The following SLC2A13 variants were observed in gnomAD, a reference collection of about 807,000 sequenced individuals.
The protein encoded by SLC2A13 is solute carrier family 2 member 13, also known as proton myo-inositol cotransporter.
In SLC2A13, 32 loss-of-function variants were observed where a neutral mutation model predicts 64.4. The ratio of observed to expected loss-of-function variants is 0.50; its 90% CI spans 0.37 to 0.67. The LOEUF is 0.67. Among genes scored for constraint, SLC2A13 ranks in the 30% least tolerant of loss-of-function variants. The pLI is 0.00. For synonymous variants in SLC2A13, 338 were observed against 327.1 expected (o/e 1.03, Z -0.36); for missense variants, 743 against 829.2 (o/e 0.90, Z 1.28).
At chr12:39,970,831 T>C (rs1946634521) in intron 3 of SLC2A13, among the ~76,000 whole-genome samples, 2 of 152,206 alleles carry the variant, frequency 1.3e-5, no homozygotes, top group Non-Finnish European at 2.9e-5. Context: ...GGGTATGCCC[T>C]ATAGGAAAAC....
chr12:39,965,134 G>A (rs919540361), intron 3 of SLC2A13, among the ~76,000 whole-genome samples: 2 of 152,134 alleles, frequency 1.3e-5, no homozygotes, highest in African/African-American at 4.8e-5. Context: ...ACAGTTCTAT[G>A]TATTCCTGAA....
rs910307555 is a variant in SLC2A13, at chr12:40,035,650, C to G, written c.717-7141G>C. Among the ~76,000 whole-genome samples, 3 of 152,286 alleles carry G rather than the reference C, an allele frequency of 2.0e-5. No homozygotes were observed. The South Asian group carries it at 6.2e-4, about 32-fold the overall frequency. ...AGGTAATATATGATCCGCAAATGAT[C>G]AACACCTGTGTTACCTCGAGAAAGA... On this transcript the variant is annotated intron_variant, in intron 2 of 9. Transcript: ENST00000280871.
intron 1 of SLC2A13, among the ~76,000 whole-genome samples, chr12:40,081,983 T>C (rs1938419186): frequency 6.6e-6 from 1 of 152,226 alleles, no homozygotes. Context: ...CTGTGTGCTC[T>C]AACCCTGGGG....
intron 4 of SLC2A13, among the ~76,000 whole-genome samples, chr12:39,885,200 G>A (rs550583538): frequency 6.6e-6 from 1 of 152,288 alleles, no homozygotes; most frequent in Admixed American, 6.5e-5. Flanking sequence ...ACAGGAGCTA[G>A]GAAGGCCAAC....
At chr12:39,872,444 A>T (rs993999388) in intron 4 of SLC2A13, among the ~76,000 whole-genome samples, 1 of 152,018 alleles carries the variant, frequency 6.6e-6, no homozygotes, top group African/African-American at 2.4e-5. Flanking sequence ...AAAAAGACAC[A>T]ATGAGTAAGA....
intron 3 of SLC2A13, among the ~76,000 whole-genome samples, chr12:40,000,370 AC>A (rs529661037): frequency 4.6e-4 from 70 of 152,286 alleles, no homozygotes; most frequent in Non-Finnish European, 9.6e-4. Flanking sequence ...GTGAACCTCT[AC>A]CCTCTACTAA....
intron 3 of SLC2A13, among the ~76,000 whole-genome samples, chr12:39,987,255 T>C (rs1276185143): frequency 1.3e-5 from 2 of 152,196 alleles, no homozygotes; most frequent in Non-Finnish European, 1.5e-5. Context: ...CAGACAAATA[T>C]GTCAACAAAC....
At position 39,815,110 on chromosome 12, in the gene SLC2A13, T is replaced by TG. The variant is rs1320906333; in HGVS notation, c.1445+14992dup. ...AAATAAATGACCCAAGGCCATCTTC[T>TG]GGTCAGTTACTGAGTCCAGACACAA... is the stretch of plus-strand genomic sequence containing the variant. On this transcript the variant is annotated intron_variant, in intron 7 of 9. Coordinates refer to ENST00000280871, the MANE Select transcript of SLC2A13 (RefSeq NM_052885.4). 3.3e-5 allele frequency among the ~76,000 whole-genome samples: 5 copies of TG among 152,300 alleles called. No individual in the cohort carries two copies. In the East Asian group the frequency reaches 7.7e-4, roughly 24 times the overall value.
intron 4 of SLC2A13, among the ~76,000 whole-genome samples, chr12:39,873,675 C>CA (rs1218043274): frequency 1.3e-5 from 2 of 152,072 alleles, no homozygotes; most frequent in Non-Finnish European, 2.9e-5. Flanking sequence ...TTGATGCTTT[C>CA]ATTTTCAATA....
At chr12:39,862,208 T>C (rs1035175480) in intron 6 of SLC2A13, among the ~76,000 whole-genome samples, 1 of 152,224 alleles carries the variant, frequency 6.6e-6, no homozygotes, top group Non-Finnish European at 1.5e-5. Flanking sequence ...GATGTCCTCA[T>C]TGAAAATTAT....
At chr12:39,882,995 T>C (rs1944381391) in intron 4 of SLC2A13, among the ~76,000 whole-genome samples, 1 of 152,180 alleles carries the variant, frequency 6.6e-6, no homozygotes, top group Non-Finnish European at 1.5e-5. Context: ...TTTAGGCGCT[T>C]AGTGTTTATT....
intron 7 of SLC2A13, among the ~76,000 whole-genome samples, chr12:39,812,624 G>T (rs945789217): frequency 6.7e-6 from 1 of 150,288 alleles, no homozygotes; most frequent in Non-Finnish European, 1.5e-5. Flanking sequence ...AGGCGCCCAC[G>T]GCTACGCCCG....
In SLC2A13 at chr12:39,978,364, G is replaced by A. The variant is rs530241719; in HGVS notation, c.926-26999C>T. ...ACAGCTCCAGTCTACAGCTCCCAGC[G>A]TAAGCGATGCAGAAGACGGGTGATT... On this transcript the variant is annotated intron_variant, in intron 3 of 9. Transcript: ENST00000280871. Among the ~76,000 whole-genome samples, 29 of 152,310 alleles carry A rather than the reference G, an allele frequency of 1.9e-4. 1 individual carries two copies. The East Asian group carries it at 1.9e-3, about 10-fold the overall frequency.
At chr12:39,978,529 G>GAGTT (rs1399164973) in intron 3 of SLC2A13, among the ~76,000 whole-genome samples, 1 of 152,220 alleles carries the variant, frequency 6.6e-6, no homozygotes, top group Non-Finnish European at 1.5e-5. Flanking sequence ...AGGGGTCAGG[G>GAGTT]AGTTCCCTTT....
At chr12:39,859,332 T>TTTTTAA (rs1566873946) in intron 6 of SLC2A13, among the ~76,000 whole-genome samples, 1 of 72,330 alleles carries the variant, frequency 1.4e-5, no homozygotes. Flanking sequence ...TTTTTTTTTC[T>TTTTTAA]GAAAAAAAAA....
At chr12:39,781,377 G>A (rs1395004706) in intron 7 of SLC2A13, among the ~76,000 whole-genome samples, 6 of 53,752 alleles carry the variant, frequency 1.1e-4, no homozygotes, top group African/African-American at 5.1e-4. Flanking sequence ...AGGGAGCCCC[G>A]CACAGTCTGG....
intron 1 of SLC2A13, among the ~76,000 whole-genome samples, chr12:40,058,161 G>A (rs1212278753): frequency 6.6e-6 from 1 of 151,720 alleles, no homozygotes; most frequent in Non-Finnish European, 1.5e-5. Context: ...AGAAGAAAAA[G>A]GCATGTTTTT....
rs563618869 is a variant in SLC2A13, at chr12:39,758,833, G to C, written c.*1193C>G. ...AAATTCTCAGGAAAATGAGAAAAGTGTGCAAAATAAAAACGAGTTTATGCT... is the reference window on the plus strand; with the variant it reads ...AAATTCTCAGGAAAATGAGAAAAGTCTGCAAAATAAAAACGAGTTTATGCT... On this transcript the variant is annotated 3_prime_UTR_variant, in exon 10 of 10. Coordinates refer to ENST00000280871, the MANE Select transcript of SLC2A13 (RefSeq NM_052885.4). 2.0e-5 allele frequency: 3 copies of C among 151,036 alleles called. No individual in the cohort carries two copies. The highest frequency in any genetic ancestry group is 7.3e-5 in the African/African-American group (3 of 41,228). The allele number at this position is 151,036 out of a possible 1,614,324, so 9.4% of individuals were successfully genotyped here. A position where few individuals can be genotyped will look rare whatever the true frequency, so the allele number is the denominator to read the frequency against.
At chr12:39,851,678 A>G (rs1442006809) in intron 6 of SLC2A13, among the ~76,000 whole-genome samples, 2 of 152,202 alleles carry the variant, frequency 1.3e-5, no homozygotes, top group Non-Finnish European at 2.9e-5. Context: ...TGCTAGATAC[A>G]TCAAGAGAAA....
Sources: allele counts gnomAD v4.1 joint callset (sites outside exome capture counted in the v4.1 genomes callset), GRCh38; gene constraint gnomAD v4.1.1; transcripts MANE v1.5; gene names NCBI Gene and HGNC (gene_info 2026-07-23, HGNC 2026-07-21).